Variants in NELL1 observed in about 807,000 individuals in gnomAD.
NELL1 encodes protein kinase C-binding protein NELL1.
NELL1 carries 76 observed loss-of-function variants against 107.4 expected under a neutral mutation model. The ratio of observed to expected loss-of-function variants is 0.71; its 90% CI spans 0.59 to 0.86. The LOEUF is 0.86. Ranked by LOEUF, NELL1 falls within the 40% of genes least tolerant of loss-of-function variation. The pLI, the probability that NELL1 is intolerant of heterozygous loss-of-function variation, is 0.00. For synonymous variants in NELL1, 353 were observed against 341.2 expected (o/e 1.03, Z -0.38); for missense variants, 1,024 against 1,005.5 (o/e 1.02, Z -0.25).
chr11:21,416,221 G>A (rs1852516940), intron 15 of NELL1, among the ~76,000 whole-genome samples: 1 of 152,036 alleles, frequency 6.6e-6, no homozygotes, highest in African/African-American at 2.4e-5. Flanking sequence ...GCTCAGACTT[G>A]GGAGTAATTT....
chr11:21,561,830 T>C (rs1050324126), intron 17 of NELL1, among the ~76,000 whole-genome samples: 3 of 152,090 alleles, frequency 2.0e-5, no homozygotes, highest in Non-Finnish European at 4.4e-5. Flanking sequence ...TTATTAAGTA[T>C]AATATTTAAC....
In NELL1 at chr11:21,192,778, C is replaced by A. The variant is rs1021913411; in HGVS notation, c.1427-36554C>A. Among the ~76,000 whole-genome samples the A allele has an allele frequency of 3.6e-4, 54 of 151,724 alleles. 2 individuals carry two copies. Among genetic ancestry groups the A allele is most frequent in the African/African-American group, 1.2e-3 (51 of 41,060 alleles). On this transcript the variant is annotated intron_variant, in intron 13 of 19. Coordinates refer to ENST00000357134, the MANE Select transcript of NELL1 (RefSeq NM_006157.5). ...AATGCTAAAGGAAGGAATGTGGCCA[C>A]TTTTTTCTGGGCATACAATTAGTCT...
At chr11:21,470,927 T>A (rs964550288) in intron 15 of NELL1, among the ~76,000 whole-genome samples, 1 of 152,134 alleles carries the variant, frequency 6.6e-6, no homozygotes, top group Non-Finnish European at 1.5e-5. Context: ...ACCATGGTTG[T>A]TGGGTAAACA....
chr11:20,868,198 A>G (rs545563066), intron 4 of NELL1, among the ~76,000 whole-genome samples: 2 of 152,298 alleles, frequency 1.3e-5, no homozygotes, highest in African/African-American at 4.8e-5. Flanking sequence ...TAGAAGCAGG[A>G]GGCATGTTAG....
chr11:21,413,670 G>T lies in NELL1; in HGVS notation c.1645+42722G>T, dbSNP rs145390473. 8.3e-3 allele frequency among the ~76,000 whole-genome samples: 1,259 copies of T among 152,064 alleles called. 22 individuals carry two copies. Among genetic ancestry groups the T allele is most frequent in the African/African-American group, 0.029 (1,216 of 41,490 alleles). On this transcript the variant is annotated intron_variant, in intron 15 of 19. Transcript: ENST00000357134. Reference sequence around the variant, plus strand: ...TGTCTGTTTGCACACCTGTTCCAAGGTGGCCCAACTGCATGGTCACCCCTT... The same window carrying T: ...TGTCTGTTTGCACACCTGTTCCAAGTTGGCCCAACTGCATGGTCACCCCTT...
At chr11:21,009,054 C>T (rs1852390743) in intron 12 of NELL1, among the ~76,000 whole-genome samples, 1 of 152,000 alleles carries the variant, frequency 6.6e-6, no homozygotes, top group Non-Finnish European at 1.5e-5. Flanking sequence ...CCTTGATGTC[C>T]ATGGACCTGT....
At chr11:21,494,344 T>G (rs1195607767) in intron 15 of NELL1, among the ~76,000 whole-genome samples, 1 of 151,968 alleles carries the variant, frequency 6.6e-6, no homozygotes, top group Non-Finnish European at 1.5e-5. Context: ...TCATCCAATT[T>G]CAAAATAAAA....
At chr11:21,410,011 A>G (rs1422948908) in intron 15 of NELL1, among the ~76,000 whole-genome samples, 2 of 152,098 alleles carry the variant, frequency 1.3e-5, no homozygotes, top group African/African-American at 2.4e-5. Flanking sequence ...TATGTTAAAA[A>G]TAATTTTCAC....
intron 12 of NELL1, among the ~76,000 whole-genome samples, chr11:21,011,136 C>A (rs959592787): frequency 5.3e-5 from 8 of 152,114 alleles, no homozygotes; most frequent in African/African-American, 1.9e-4. Flanking sequence ...TCCCAGCTGG[C>A]AATTTTATTT....
chr11:20,757,179 A>G (rs1459837197), intron 2 of NELL1, among the ~76,000 whole-genome samples: 1 of 146,960 alleles, frequency 6.8e-6, no homozygotes, highest in African/African-American at 2.5e-5. Flanking sequence ...TTTTTTAAAT[A>G]TAATTTTAAA....
chr11:21,186,645 T>G (rs1466394474), intron 13 of NELL1, among the ~76,000 whole-genome samples: 1 of 151,876 alleles, frequency 6.6e-6, no homozygotes, highest in Non-Finnish European at 1.5e-5. Context: ...GCTAATATGT[T>G]TGGTCTTATG....
chr11:20,722,389 A>C (rs1403879837), intron 2 of NELL1, among the ~76,000 whole-genome samples: 1 of 152,110 alleles, frequency 6.6e-6, no homozygotes, highest in Non-Finnish European at 1.5e-5. Flanking sequence ...TATTTTGAGT[A>C]ATATCTCTTT....
At chr11:21,171,188 T>C (rs1288666854) in intron 13 of NELL1, among the ~76,000 whole-genome samples, 1 of 151,404 alleles carries the variant, frequency 6.6e-6, no homozygotes, top group Non-Finnish European at 1.5e-5. Flanking sequence ...TTGATATCAG[T>C]TCCTGTAGAA....
chr11:20,903,940 C>G (rs1849934839), intron 5 of NELL1, among the ~76,000 whole-genome samples: 1 of 152,064 alleles, frequency 6.6e-6, no homozygotes, highest in East Asian at 1.9e-4. Flanking sequence ...TGTACCATAC[C>G]ATTTATAACC....
At chr11:21,137,196 C>A (rs967614571) in intron 13 of NELL1, among the ~76,000 whole-genome samples, 8 of 152,134 alleles carry the variant, frequency 5.3e-5, no homozygotes, top group Non-Finnish European at 1.5e-5. Flanking sequence ...TGTGAATCAT[C>A]CTGATACAGA....
chr11:21,247,869 T>C (rs1858534275), intron 14 of NELL1, among the ~76,000 whole-genome samples: 1 of 152,172 alleles, frequency 6.6e-6, no homozygotes, highest in Admixed American at 6.5e-5. Flanking sequence ...TTATGACCAA[T>C]AGGAATTTTT....
chr11:20,783,712 G>C lies in NELL1; in HGVS notation c.217G>C (p.Val73Leu). Residue 73 changes from valine (V) to leucine (L), a missense_variant, in exon 3 of 20, where the codon GTG becomes CTG. Physicochemically the swap from Val to Leu is conservative, Grantham distance 32. Transcript: ENST00000357134. Reference protein sequence around the residue: ...IEREIHAAPHVSEKLIQLFRN... With the variant: ...IEREIHAAPHLSEKLIQLFRN... ...AAGAGAGATCCATGCAGCTCCTCAT[G>C]TGAGTGAGAAATTAATTCAGCTGTT... 1.2e-6 allele frequency: 2 copies of C among 1,613,866 alleles called. No homozygotes were observed. The highest frequency in any genetic ancestry group is 1.7e-6 in the Non-Finnish European group (2 of 1,179,920).
At chr11:21,073,035 C>G (rs1345384101) in intron 12 of NELL1, among the ~76,000 whole-genome samples, 3 of 152,128 alleles carry the variant, frequency 2.0e-5, no homozygotes, top group Non-Finnish European at 4.4e-5. Flanking sequence ...TGAACCCTCT[C>G]CTAGACCACC....
At chr11:21,498,086 A>T (rs1855032246) in intron 15 of NELL1, among the ~76,000 whole-genome samples, 1 of 151,892 alleles carries the variant, frequency 6.6e-6, no homozygotes, top group Non-Finnish European at 1.5e-5. Context: ...AAAATATTAC[A>T]GATGCCTTTA....
Sources: gnomAD v4.1 joint callset for allele counts (sites outside exome capture counted in the v4.1 genomes callset) on GRCh38, gnomAD v4.1.1 for gene constraint, MANE v1.5 for transcripts, NCBI Gene and HGNC (gene_info 2026-07-23, HGNC 2026-07-21) for gene names.